CDH2: variants seen among roughly 807,000 people sequenced by gnomAD.
CDH2 encodes cadherin-2.
CDH2 carries 17 observed loss-of-function variants against 92.0 expected under a neutral mutation model. The observed-to-expected ratio is 0.18, with a 90% CI of 0.13 to 0.28. CDH2 has a LOEUF of 0.28. Ranked by LOEUF, CDH2 falls within the 10% of genes least tolerant of loss-of-function variation. The pLI is 1.00. For missense variants in CDH2, 862 were observed against 1,133.1 expected (o/e 0.76, Z 3.44); for synonymous variants, 419 against 415.9 (o/e 1.01, Z -0.09).
At chr18:28,012,691 AGTTACTGG>A (rs2013134890) in intron 3 of CDH2, among the ~76,000 whole-genome samples, 1 of 152,168 alleles carries the variant, frequency 6.6e-6, no homozygotes, top group African/African-American at 2.4e-5. Context: ...TCACTCCATT[AGTTACTGG>A]GTTTTCACTT....
intron 2 of CDH2, among the ~76,000 whole-genome samples, chr18:28,040,272 A>G: frequency 6.6e-6 from 1 of 152,054 alleles, no homozygotes; most frequent in East Asian, 1.9e-4. Flanking sequence ...TAGTAATAGT[A>G]CTCCTAACTT....
chr18:28,159,026 A>G (rs2016265146), intron 1 of CDH2: 1 of 152,236 alleles, frequency 6.6e-6, no homozygotes, highest in African/African-American at 2.4e-5. Context: ...ACAGCAATAG[A>G]TATTATCTAC....
chr18:27,984,496 G>A (rs376243868), intron 13 of CDH2, among the ~76,000 whole-genome samples: 2 of 152,148 alleles, frequency 1.3e-5, no homozygotes, highest in East Asian at 1.9e-4. Context: ...CAAATGTCCT[G>A]TATGTGAAGT....
intron 2 of CDH2, among the ~76,000 whole-genome samples, chr18:28,099,764 C>T (rs2015196780): frequency 6.6e-6 from 1 of 151,972 alleles, no homozygotes; most frequent in Non-Finnish European, 1.5e-5. Flanking sequence ...TTAGAGAAAG[C>T]AAATAGCAAG....
chr18:27,984,966 G>A (rs749575152), intron 13 of CDH2, 34 bp downstream of exon 13: 1 of 1,524,422 alleles, frequency 6.6e-7, no homozygotes, highest in Non-Finnish European at 9.1e-7. Flanking sequence ...GAAGCCAAGA[G>A]AACTGAAATC....
chr18:28,164,403 TA>T (rs1277418522), intron 1 of CDH2, among the ~76,000 whole-genome samples: 4 of 152,112 alleles, frequency 2.6e-5, no homozygotes, highest in African/African-American at 9.7e-5. Flanking sequence ...TAGTAATTAC[TA>T]AAAAAATGAA....
rs777582688 is a variant in CDH2, at chr18:27,963,553, A to AGAT, written c.2350-35_2350-33dup. On this transcript the variant is annotated intron_variant, in intron 14 of 15. Transcript: ENST00000269141. The stretch of plus-strand genomic sequence containing the variant: ...AAAGACAAAATCAAAAACCGATGGG[A>AGAT]GATGGGCACAAAGATAGAAAATTAC... 1.6e-5 allele frequency: 25 copies of AGAT among 1,603,436 alleles called. No homozygotes were observed. The South Asian group carries it at 2.4e-4, about 16-fold the overall frequency.
intron 2 of CDH2, among the ~76,000 whole-genome samples, chr18:28,128,363 G>A (rs748785168): frequency 1.3e-5 from 2 of 152,132 alleles, no homozygotes. Flanking sequence ...TCAGATATAC[G>A]TGTATTTATT....
intron 2 of CDH2, among the ~76,000 whole-genome samples, chr18:28,047,326 C>G (rs1273983842): frequency 1.3e-5 from 2 of 152,186 alleles, no homozygotes; most frequent in East Asian, 3.9e-4. Context: ...TATCAAAATA[C>G]TCTTCATTTT....
At chr18:28,174,032 G>C (rs896311272) in intron 1 of CDH2, among the ~76,000 whole-genome samples, 2 of 151,994 alleles carry the variant, frequency 1.3e-5, no homozygotes, top group African/African-American at 2.4e-5. Context: ...AGATTGACTA[G>C]AATTATGTAA....
chr18:28,081,992 A>C (rs1034398070), intron 2 of CDH2, among the ~76,000 whole-genome samples: 1 of 152,200 alleles, frequency 6.6e-6, no homozygotes, highest in Non-Finnish European at 1.5e-5. Context: ...TCTTCAAGTC[A>C]CATAATAAGT....
chr18:28,000,923 G>C (rs1044565975), intron 7 of CDH2, among the ~76,000 whole-genome samples: 5 of 151,970 alleles, frequency 3.3e-5, no homozygotes, highest in African/African-American at 1.2e-4. Context: ...GTCTGCACGA[G>C]GCCTGAAAAA....
chr18:28,100,955 ACT>A (rs1207078389), intron 2 of CDH2, among the ~76,000 whole-genome samples: 2 of 152,242 alleles, frequency 1.3e-5, no homozygotes, highest in East Asian at 3.9e-4. Flanking sequence ...GTTAGAATTC[ACT>A]CTGACATATG....
intron 10 of CDH2, among the ~76,000 whole-genome samples, chr18:27,989,531 C>A (rs2012341366): frequency 6.6e-6 from 1 of 152,144 alleles, no homozygotes; most frequent in South Asian, 2.1e-4. Flanking sequence ...ATGATCATCA[C>A]CAGCTTTGGA....
At chr18:28,114,038 TG>T (rs1287660145) in intron 2 of CDH2, among the ~76,000 whole-genome samples, 1 of 151,992 alleles carries the variant, frequency 6.6e-6, no homozygotes, top group Admixed American at 6.6e-5. Flanking sequence ...AGATGTTAGG[TG>T]GGAGAGGATA....
chr18:28,115,315 G>A (rs1430813858), intron 2 of CDH2, among the ~76,000 whole-genome samples: 1 of 152,158 alleles, frequency 6.6e-6, no homozygotes, highest in African/African-American at 2.4e-5. Context: ...TGGGGCATGA[G>A]TCATACTGTT....
intron 1 of CDH2, among the ~76,000 whole-genome samples, chr18:28,174,667 G>T (rs530975251): frequency 1.3e-5 from 2 of 152,156 alleles, no homozygotes; most frequent in Non-Finnish European, 2.9e-5. Flanking sequence ...AAAACTGACA[G>T]AAAATTCACA....
intron 5 of CDH2, among the ~76,000 whole-genome samples, chr18:28,008,594 G>A (rs114760302): frequency 0.015 from 2,222 of 152,158 alleles, 53 homozygotes; most frequent in African/African-American, 0.051. Flanking sequence ...GGGGCCTGTC[G>A]TGGGGTGGGA....
chr18:27,982,786 A>T (rs1018223918), intron 14 of CDH2, among the ~76,000 whole-genome samples, 158 bp downstream of exon 14: 6 of 152,054 alleles, frequency 3.9e-5, no homozygotes, highest in Non-Finnish European at 7.4e-5. Context: ...TTGAAAAAAA[A>T]TTTGAGAAAT....
Sources: allele counts gnomAD v4.1 joint callset (sites outside exome capture counted in the v4.1 genomes callset), GRCh38; gene constraint gnomAD v4.1.1; transcripts MANE v1.5; gene names NCBI Gene and HGNC (gene_info 2026-07-23, HGNC 2026-07-21).